The following PDE4B variants were observed in gnomAD, a reference collection of about 807,000 sequenced individuals.
The protein encoded by PDE4B is 3',5'-cyclic-AMP phosphodiesterase 4B.
PDE4B carries 20 observed loss-of-function variants against 82.2 expected under a neutral mutation model. The ratio of observed to expected loss-of-function variants is 0.24; its 90% confidence interval spans 0.17 to 0.35. PDE4B has a LOEUF of 0.35. Among genes scored for constraint, PDE4B ranks in the 10% least tolerant of loss-of-function variants. The pLI is 1.00. For missense variants in PDE4B, 655 were observed against 907.2 expected (o/e 0.72, Z 3.57); for synonymous variants, 320 against 318.9 (o/e 1.00, Z -0.04).
At chr1:66,197,407 A>G (rs1648417756) in intron 3 of PDE4B, among the ~76,000 whole-genome samples, 1 of 152,138 alleles carries the variant, frequency 6.6e-6, no homozygotes, top group African/African-American at 2.4e-5. Context: ...ATAGATGTTA[A>G]TCTCTCATAG....
intron 3 of PDE4B, among the ~76,000 whole-genome samples, chr1:66,035,914 C>A (rs949012786): frequency 3.9e-5 from 6 of 152,100 alleles, no homozygotes; most frequent in Admixed American, 3.3e-4. Context: ...TTGTGAGGAA[C>A]TTCCATGCTA....
intron 1 of PDE4B, among the ~76,000 whole-genome samples, chr1:65,796,153 A>C (rs915045815): frequency 6.6e-6 from 1 of 152,178 alleles, no homozygotes; most frequent in African/African-American, 2.4e-5. Context: ...AATATTTTCT[A>C]TATCTTCATT....
intron 3 of PDE4B, among the ~76,000 whole-genome samples, chr1:66,204,690 A>C (rs1348353611): frequency 2.0e-5 from 3 of 151,980 alleles, no homozygotes; most frequent in African/African-American, 7.2e-5. Flanking sequence ...TTTTAAGCCC[A>C]TTGGAAAAGC....
At chr1:66,011,223 C>CAAAAAAAAA (rs11372306) in intron 3 of PDE4B, among the ~76,000 whole-genome samples, 1 of 133,778 alleles carries the variant, frequency 7.5e-6, no homozygotes, top group Non-Finnish European at 1.6e-5. Flanking sequence ...ATTCATCTGC[C>CAAAAAAAAA]AAAAAAAAAA....
intron 3 of PDE4B, among the ~76,000 whole-genome samples, chr1:65,993,620 T>C (rs1557483029): frequency 6.6e-6 from 1 of 152,186 alleles, no homozygotes; most frequent in African/African-American, 2.4e-5. Flanking sequence ...TTATAGCATA[T>C]AAACCAGTGA....
Position 66,112,956 on chromosome 1 carries a change from A to G in PDE4B, c.282-134504A>G, listed in dbSNP as rs1005589279. ...GTGCTGCCCCAAGCGATGGGATTAT[A>G]TTGCACTTTGTAGTGACTGTGACAG... On this transcript the variant is annotated intron_variant, in intron 3 of 16. Transcript: ENST00000341517. Among the ~76,000 whole-genome samples, 4 of 152,164 alleles carry G rather than the reference A, an allele frequency of 2.6e-5. No homozygotes were observed. The East Asian group carries it at 5.8e-4, about 22-fold the overall frequency.
intron 3 of PDE4B, among the ~76,000 whole-genome samples, chr1:66,139,780 A>G (rs1251602052): frequency 6.6e-6 from 1 of 151,624 alleles, no homozygotes; most frequent in Non-Finnish European, 1.5e-5. Context: ...TGGGCCAAAC[A>G]TACAAAAACC....
intron 3 of PDE4B, among the ~76,000 whole-genome samples, chr1:65,925,993 T>C (rs1280653901): frequency 6.6e-6 from 1 of 152,152 alleles, no homozygotes; most frequent in Non-Finnish European, 1.5e-5. Context: ...ACTTCTATTT[T>C]ACCTTTGCAA....
At chr1:65,981,735 A>C (rs1413297994) in intron 3 of PDE4B, among the ~76,000 whole-genome samples, 3 of 152,282 alleles carry the variant, frequency 2.0e-5, no homozygotes, top group Admixed American at 6.5e-5. Flanking sequence ...TAAATGTGAT[A>C]ATGTGATGAT....
At chr1:65,952,458 A>G (rs1649051246) in intron 3 of PDE4B, among the ~76,000 whole-genome samples, 1 of 152,074 alleles carries the variant, frequency 6.6e-6, no homozygotes, top group Non-Finnish European at 1.5e-5. Flanking sequence ...AGGTGGGTGG[A>G]TCACCTGAGG....
At chr1:65,940,599 A>G (rs1233623364) in intron 3 of PDE4B, among the ~76,000 whole-genome samples, 3 of 152,098 alleles carry the variant, frequency 2.0e-5, no homozygotes, top group Non-Finnish European at 4.4e-5. Flanking sequence ...ATTGCTTTTT[A>G]GAAACATTGA....
chr1:65,944,840 C>T (rs1648624362), intron 3 of PDE4B, among the ~76,000 whole-genome samples: 1 of 151,924 alleles, frequency 6.6e-6, no homozygotes, highest in Admixed American at 6.6e-5. Flanking sequence ...CTGGTTCTTA[C>T]ATGGGGAGCA....
At chr1:66,313,783 T>A (rs1219727110) in intron 7 of PDE4B, among the ~76,000 whole-genome samples, 1 of 152,218 alleles carries the variant, frequency 6.6e-6, no homozygotes, top group African/African-American at 2.4e-5. Flanking sequence ...TATTTGGCCC[T>A]GACCTTTCTT....
chr1:65,890,802 C>T (rs923345999), intron 1 of PDE4B, among the ~76,000 whole-genome samples: 2 of 151,940 alleles, frequency 1.3e-5, no homozygotes, highest in Admixed American at 6.6e-5. Context: ...AGTTCTATAT[C>T]CTCAGTTTGA....
intron 3 of PDE4B, among the ~76,000 whole-genome samples, chr1:66,108,059 C>G (rs1645406614): frequency 6.6e-6 from 1 of 151,810 alleles, no homozygotes; most frequent in Non-Finnish European, 1.5e-5. Context: ...ATACTTATTT[C>G]TTTGTAGTGA....
chr1:66,085,328 A>G (rs1041196273), intron 3 of PDE4B, among the ~76,000 whole-genome samples: 1 of 152,188 alleles, frequency 6.6e-6, no homozygotes, highest in Non-Finnish European at 1.5e-5. Flanking sequence ...TGAAGCTAAC[A>G]TTGGACACAG....
chr1:66,279,081 C>G (rs937958340), intron 7 of PDE4B, among the ~76,000 whole-genome samples: 2 of 152,148 alleles, frequency 1.3e-5, no homozygotes, highest in Admixed American at 6.5e-5. Context: ...TCTGCATGCT[C>G]TTCACACTTC....
At chr1:65,971,727 G>A (rs2100627054) in intron 3 of PDE4B, among the ~76,000 whole-genome samples, 1 of 152,226 alleles carries the variant, frequency 6.6e-6, no homozygotes, top group Admixed American at 6.5e-5. Context: ...TCAGCAGTAT[G>A]AGCTGTTTTT....
intron 3 of PDE4B, among the ~76,000 whole-genome samples, chr1:66,027,992 G>A (rs1653544493): frequency 6.6e-6 from 1 of 152,194 alleles, no homozygotes; most frequent in South Asian, 2.1e-4. Context: ...GAGGATGGTG[G>A]CCCTCTTCTC....
Sources: allele counts gnomAD v4.1 joint callset (sites outside exome capture counted in the v4.1 genomes callset), GRCh38; gene constraint gnomAD v4.1.1; transcripts MANE v1.5; gene names NCBI Gene and HGNC (gene_info 2026-07-23, HGNC 2026-07-21).